Variants in CD9 observed in about 807,000 individuals in gnomAD.
CD9 encodes CD9 antigen.
Under a neutral mutation model 31.4 loss-of-function variants are expected in CD9, and 10 were observed. The ratio of observed to expected loss-of-function variants is 0.32; its 90% CI spans 0.20 to 0.54. CD9 has a LOEUF of 0.54. CD9 is among the 20% of genes least tolerant of loss of function. The pLI is 0.94. For synonymous variants in CD9, 113 were observed against 114.1 expected (o/e 0.99, Z 0.06); for missense variants, 259 against 300.1 (o/e 0.86, Z 1.01).
At chr12:6,210,578 C>T (rs11568208) in intron 1 of CD9, among the ~76,000 whole-genome samples, 2,613 of 152,292 alleles carry the variant, frequency 0.017, 79 homozygotes, top group African/African-American at 0.06. Flanking sequence ...GGCGCGTCTG[C>T]AAGCTGCCTT....
At chr12:6,215,379 G>A (rs1202672508) in intron 1 of CD9, among the ~76,000 whole-genome samples, 2 of 152,176 alleles carry the variant, frequency 1.3e-5, no homozygotes, top group African/African-American at 4.8e-5. Context: ...TCTTAAACTT[G>A]AGCGTGATGA....
chr12:6,237,750 TC>T lies in CD9; in HGVS notation c.622-11del, dbSNP rs751433404. On this transcript the variant is annotated splice_polypyrimidine_tract_variant and intron_variant, in intron 7 of 7. Coordinates refer to ENST00000009180, the MANE Select transcript of CD9 (RefSeq NM_001769.4). Reference sequence around the variant, plus strand: ...AAACCACCCTGATCCTCATGTTTCTTCCTATCTCCTAGATATTTGGCATGAT... The same window carrying T: ...AAACCACCCTGATCCTCATGTTTCTTCTATCTCCTAGATATTTGGCATGAT... 1.9e-6 allele frequency: 3 copies of T among 1,607,110 alleles called. No individual in the cohort carries two copies. Among genetic ancestry groups the T allele is most frequent in the Non-Finnish European group, 2.6e-6 (3 of 1,173,822 alleles).
At chr12:6,222,105 C>T (rs1946299085) in intron 1 of CD9, among the ~76,000 whole-genome samples, 1 of 152,254 alleles carries the variant, frequency 6.6e-6, no homozygotes, top group African/African-American at 2.4e-5. Context: ...TTAGATAGCG[C>T]TGCCTGACAA....
chr12:6,222,584 AAG>A (rs11568234), intron 1 of CD9, among the ~76,000 whole-genome samples: 5,477 of 152,296 alleles, frequency 0.036, 317 homozygotes, highest in African/African-American at 0.12. Flanking sequence ...TGGCCAAGAT[AAG>A]AGACCTGAGA....
chr12:6,202,663 C>T (rs1003115001), intron 1 of CD9, among the ~76,000 whole-genome samples: 12 of 152,256 alleles, frequency 7.9e-5, no homozygotes, highest in African/African-American at 2.9e-4. Flanking sequence ...TCCGTACTGT[C>T]CTCAGCCTGC....
intron 1 of CD9, among the ~76,000 whole-genome samples, chr12:6,214,490 G>A (rs1946223179): frequency 6.6e-6 from 1 of 151,232 alleles, no homozygotes. Context: ...GGAACTACAG[G>A]CGTGTGCCAC....
chr12:6,229,836 T>C (rs1010916336), intron 2 of CD9, among the ~76,000 whole-genome samples: 15 of 151,674 alleles, frequency 9.9e-5, no homozygotes, highest in African/African-American at 3.4e-4. Flanking sequence ...TTTTTTTTTT[T>C]CTGGGCCTGT....
chr12:6,208,257 C>T (rs1307527373), intron 1 of CD9, among the ~76,000 whole-genome samples: 1 of 151,898 alleles, frequency 6.6e-6, no homozygotes, highest in Non-Finnish European at 1.5e-5. Flanking sequence ...AAAAGTAACC[C>T]TTCACAGCTT....
At chr12:6,226,185 G>GT (rs1946363718) in intron 2 of CD9, 1 of 152,130 alleles carries the variant, frequency 6.6e-6, no homozygotes, top group African/African-American at 2.4e-5. Flanking sequence ...GACTTGGCAG[G>GT]TTTCTTTCTA....
At chr12:6,208,346 G>A (rs975152962) in intron 1 of CD9, among the ~76,000 whole-genome samples, 61 of 152,194 alleles carry the variant, frequency 4.0e-4, no homozygotes, top group Admixed American at 3.3e-3. Flanking sequence ...CCCTCTCCTC[G>A]GAACTGAGCT....
chr12:6,229,948 A>G (rs1469201647), intron 2 of CD9, among the ~76,000 whole-genome samples: 2 of 152,188 alleles, frequency 1.3e-5, no homozygotes, highest in African/African-American at 4.8e-5. Context: ...TGAGTCAGAC[A>G]GCAAGCTAAC....
intron 1 of CD9, among the ~76,000 whole-genome samples, chr12:6,202,351 C>T (rs1339031634): frequency 6.6e-6 from 1 of 152,198 alleles, no homozygotes; most frequent in Non-Finnish European, 1.5e-5. Context: ...CCACGCTTAG[C>T]TTCTTTCTTT....
chr12:6,228,776 G>A (rs1373675931), intron 2 of CD9, among the ~76,000 whole-genome samples: 1 of 152,198 alleles, frequency 6.6e-6, no homozygotes, highest in African/African-American at 2.4e-5. Flanking sequence ...TGAGCTTGGA[G>A]TGCCAGCCAC....
At chr12:6,212,788 C>CAGAA (rs1251476696) in intron 1 of CD9, among the ~76,000 whole-genome samples, 1 of 152,136 alleles carries the variant, frequency 6.6e-6, no homozygotes, top group Non-Finnish European at 1.5e-5. Context: ...CCACAGAAGG[C>CAGAA]AGAAGTTGGC....
chr12:6,235,632 AG>A, intron 6 of CD9, 67 bp downstream of exon 6: 1 of 1,519,404 alleles, frequency 6.6e-7, no homozygotes, highest in Non-Finnish European at 8.9e-7. Context: ...CAAGCATGAA[AG>A]TGACAGCAGC....
chr12:6,233,261 A>T (rs1946474447), intron 3 of CD9, 151 bp from the exon 4 acceptor site: 1 of 655,456 alleles, frequency 1.5e-6, no homozygotes. Context: ...TGTTCTGTGA[A>T]CTTCTTCCCT....
In CD9 at chr12:6,205,788, C is replaced by T. The variant is rs529178968; in HGVS notation, c.66+5223C>T. Among the ~76,000 whole-genome samples, 7 of 152,310 alleles carry T rather than the reference C, an allele frequency of 4.6e-5. No individual in the cohort carries two copies. In the East Asian group the frequency reaches 9.6e-4, roughly 21 times the overall value. On this transcript the variant is annotated intron_variant, in intron 1 of 7. Transcript: ENST00000009180. ...ATGGTTCTTGCCTGGGTGTGGTTCT[C>T]ACCTGGGTGAGCCTGGCTGTGAGGG...
rs1261873839 is a variant in CD9, at chr12:6,229,515, T to TC, written c.176-3116dup. On this transcript the variant is annotated intron_variant, in intron 2 of 7. Transcript: ENST00000009180. ...CATTGTGGCACTTATTCCCGTGAACTCGGGAGGGCGGGAACCAAGACGAAA... is the reference window on the plus strand; with the variant it reads ...CATTGTGGCACTTATTCCCGTGAACTCCGGGAGGGCGGGAACCAAGACGAAA... 6.6e-5 allele frequency among the ~76,000 whole-genome samples: 10 copies of TC among 152,236 alleles called. No homozygotes were observed. The South Asian group carries it at 1.9e-3, about 28-fold the overall frequency.
At chr12:6,215,417 A>G (rs1022144092) in intron 1 of CD9, among the ~76,000 whole-genome samples, 2 of 152,196 alleles carry the variant, frequency 1.3e-5, no homozygotes, top group South Asian at 4.1e-4. Flanking sequence ...GTTGGAAAAC[A>G]GAGTGCCGGC....
Sources: gnomAD v4.1 joint callset for allele counts (sites outside exome capture counted in the v4.1 genomes callset) on GRCh38, gnomAD v4.1.1 for gene constraint, MANE v1.5 for transcripts, NCBI Gene and HGNC (gene_info 2026-07-23, HGNC 2026-07-21) for gene names.